The following PJA2 variants were observed in gnomAD, a reference collection of about 807,000 sequenced individuals.
The protein encoded by PJA2 is praja ring finger ubiquitin ligase 2.
PJA2 carries 25 observed loss-of-function variants against 69.3 expected under a neutral mutation model. The ratio of observed to expected loss-of-function variants is 0.36; its 90% CI spans 0.26 to 0.50. The LOEUF (loss-of-function observed/expected upper bound fraction) is 0.50, where lower values mean the gene tolerates loss of function less well. Ranked by LOEUF, PJA2 falls within the 20% of genes least tolerant of loss-of-function variation. The pLI is 0.96. For synonymous variants in PJA2, 308 were observed against 277.8 expected (o/e 1.11, Z -1.08); for missense variants, 809 against 830.2 (o/e 0.97, Z 0.31).
intron 7 of PJA2, 64 bp downstream of exon 7, chr5:109,355,851 C>T: frequency 8.4e-7 from 1 of 1,190,286 alleles, no homozygotes. Flanking sequence ...CTAAAAATCC[C>T]TTTAAACCTT....
intron 5 of PJA2, among the ~76,000 whole-genome samples, chr5:109,367,991 G>A (rs1320862641): frequency 6.6e-6 from 1 of 152,204 alleles, no homozygotes; most frequent in Admixed American, 6.5e-5. Context: ...CAACAGTAGA[G>A]GTGAGTAGCT....
chr5:109,342,483 A>G (rs1399630154), intron 9 of PJA2, among the ~76,000 whole-genome samples: 23 of 104,782 alleles, frequency 2.2e-4, no homozygotes, highest in African/African-American at 3.9e-4. Context: ...TGGGGGGGTC[A>G]GCCCCCCGCC....
At chr5:109,361,483 C>T (rs1279041720) in intron 6 of PJA2, among the ~76,000 whole-genome samples, 3 of 152,186 alleles carry the variant, frequency 2.0e-5, no homozygotes, top group East Asian at 1.9e-4. Flanking sequence ...CCGTAATTGC[C>T]TCCCAACATG....
chr5:109,338,358 G>C (rs1243302068), intron 9 of PJA2, among the ~76,000 whole-genome samples: 1 of 152,128 alleles, frequency 6.6e-6, no homozygotes, highest in Non-Finnish European at 1.5e-5. Flanking sequence ...ATCCATTTCA[G>C]GCCAGGCACG....
chr5:109,394,109 G>A (rs1364232158), intron 1 of PJA2, among the ~76,000 whole-genome samples: 1 of 132,768 alleles, frequency 7.5e-6, no homozygotes, highest in Non-Finnish European at 1.5e-5. Flanking sequence ...GTGCAGTAGC[G>A]CAATCTTGGC....
At chr5:109,391,210 T>C (rs993706380) in intron 1 of PJA2, among the ~76,000 whole-genome samples, 9 of 152,142 alleles carry the variant, frequency 5.9e-5, no homozygotes, top group African/African-American at 1.7e-4. Context: ...ATGTCCATGG[T>C]TGTTATCTTC....
intron 9 of PJA2, among the ~76,000 whole-genome samples, chr5:109,341,050 C>A (rs1383504216): frequency 6.2e-5 from 9 of 146,240 alleles, no homozygotes; most frequent in Non-Finnish European, 1.2e-4. Flanking sequence ...GCAGCCTCTG[C>A]CCGGCTGCCA....
intron 1 of PJA2, among the ~76,000 whole-genome samples, chr5:109,397,691 G>GT (rs201001259): frequency 2.5e-4 from 37 of 148,240 alleles, no homozygotes; most frequent in South Asian, 6.5e-4. Context: ...GATATTTTTT[G>GT]TTTTTTTTTT....
At chr5:109,401,740 G>GAACT (rs1747556630) in intron 1 of PJA2, among the ~76,000 whole-genome samples, 2 of 152,146 alleles carry the variant, frequency 1.3e-5, no homozygotes, top group African/African-American at 2.4e-5. Flanking sequence ...AATGTGAAAG[G>GAACT]AAGTTCTTCA....
chr5:109,382,087 T>A (rs1025839633), intron 2 of PJA2, among the ~76,000 whole-genome samples: 15 of 152,150 alleles, frequency 9.9e-5, no homozygotes, highest in Admixed American at 5.2e-4. Flanking sequence ...AAGTGCTCAA[T>A]ACATATTTGA....
intron 5 of PJA2, among the ~76,000 whole-genome samples, chr5:109,363,729 T>C (rs1235898018): frequency 3.3e-5 from 5 of 152,226 alleles, no homozygotes; most frequent in Non-Finnish European, 1.5e-5. Flanking sequence ...TAACATTTTC[T>C]TATTTGTTTA....
intron 4 of PJA2, among the ~76,000 whole-genome samples, chr5:109,373,844 T>A (rs879314146): frequency 6.6e-6 from 1 of 152,126 alleles, no homozygotes; most frequent in East Asian, 1.9e-4. Context: ...CAGAATGAAA[T>A]TATAGACAAA....
At chr5:109,346,943 A>G (rs1762180544) in intron 7 of PJA2, among the ~76,000 whole-genome samples, 2 of 152,216 alleles carry the variant, frequency 1.3e-5, no homozygotes, top group Admixed American at 1.3e-4. Context: ...CTAACACTCT[A>G]TTCTTCTGGA....
chr5:109,337,631 G>A (rs1167822735), intron 9 of PJA2, among the ~76,000 whole-genome samples: 1 of 152,028 alleles, frequency 6.6e-6, no homozygotes, highest in East Asian at 1.9e-4. Context: ...TTTTAATTAA[G>A]AGCTGCTAAA....
At chr5:109,343,778 C>T (rs565391525) in intron 9 of PJA2, among the ~76,000 whole-genome samples, 7 of 152,172 alleles carry the variant, frequency 4.6e-5, no homozygotes, top group African/African-American at 9.6e-5. Context: ...TACAAATTTG[C>T]GGCTAAATAA....
At chr5:109,371,115 T>C (rs1160151766) in intron 4 of PJA2, among the ~76,000 whole-genome samples, 2 of 152,128 alleles carry the variant, frequency 1.3e-5, no homozygotes, top group Non-Finnish European at 2.9e-5. Context: ...TGCCTCTTAG[T>C]CACCAAAGCC....
chr5:109,360,621 C>T (rs192282041), intron 6 of PJA2, among the ~76,000 whole-genome samples: 1 of 152,184 alleles, frequency 6.6e-6, no homozygotes, highest in East Asian at 1.9e-4. Context: ...ACCACATAAG[C>T]AAATAATGAG....
At chr5:109,368,295 C>T (rs982067990) in intron 5 of PJA2, among the ~76,000 whole-genome samples, 1 of 152,162 alleles carries the variant, frequency 6.6e-6, no homozygotes, top group African/African-American at 2.4e-5. Context: ...CCTAACTTAA[C>T]CAAAATGACA....
At chr5:109,338,883 C>G (rs944566661) in intron 9 of PJA2, among the ~76,000 whole-genome samples, 2 of 152,140 alleles carry the variant, frequency 1.3e-5, no homozygotes, top group Admixed American at 6.5e-5. Context: ...GAGGAATCAT[C>G]TAACAGTGAC....
Sources: allele counts gnomAD v4.1 joint callset (sites outside exome capture counted in the v4.1 genomes callset), GRCh38; gene constraint gnomAD v4.1.1; transcripts MANE v1.5; gene names NCBI Gene and HGNC (gene_info 2026-07-23, HGNC 2026-07-21).